The following TNRC6C variants were observed in gnomAD, a reference collection of about 807,000 sequenced individuals.
TNRC6C encodes the protein trinucleotide repeat-containing gene 6C protein.
In TNRC6C, 20 loss-of-function variants were observed where a neutral mutation model predicts 153.7. That is an observed-to-expected ratio of 0.13 (90% CI 0.09 to 0.19). TNRC6C has a LOEUF of 0.19. Ranked by LOEUF, TNRC6C falls within the 10% of genes least tolerant of loss-of-function variation. The probability of loss-of-function intolerance (pLI) is 1.00; values close to 1 mark genes in which losing one functional copy is unlikely to be tolerated. For missense variants in TNRC6C, 1,987 were observed against 2,172.0 expected (o/e 0.91, Z 1.69); for synonymous variants, 811 against 841.4 (o/e 0.96, Z 0.63).
intron 1 of TNRC6C, among the ~76,000 whole-genome samples, chr17:77,981,764 T>C (rs2071081122): frequency 6.6e-6 from 1 of 152,234 alleles, no homozygotes; most frequent in African/African-American, 2.4e-5. Context: ...GGAACACCGC[T>C]ATGCCCGTTA....
Position 78,064,949 on chromosome 17 carries a change from A to G in TNRC6C, c.2611+12A>G. 6.3e-7 allele frequency: 1 copy of G among 1,598,080 alleles called. No individual in the cohort carries two copies. The highest frequency in any genetic ancestry group is 8.5e-7 in the Non-Finnish European group (1 of 1,172,616). ...CCTGTGCAAACCAGGTAAGCCTAGC[A>G]TCCTGCTTGCCCTGATCTGGCAATT... is the stretch of plus-strand genomic sequence containing the variant. On this transcript the variant is annotated intron_variant, in intron 4 of 19. Transcript: ENST00000301624.
At chr17:77,999,984 T>C (rs1177826257), upstream of TNRC6C, among the ~76,000 whole-genome samples, 2 of 152,196 alleles carry the variant, frequency 1.3e-5, no homozygotes, top group African/African-American at 2.4e-5. Flanking sequence ...GAAGGGATTA[T>C]ACAAAAGTGT....
chr17:78,012,883 T>C (rs2071661365), intron 1 of TNRC6C, among the ~76,000 whole-genome samples: 2 of 152,186 alleles, frequency 1.3e-5, no homozygotes, highest in African/African-American at 4.8e-5. Context: ...TTTCATCAAA[T>C]ATTTGCATCT....
rs138821835 is a variant in TNRC6C at position 77,981,564 on chromosome 17, T to C, written c.-38+22296T>C. 5.6e-3 allele frequency among the ~76,000 whole-genome samples: 858 copies of C among 152,332 alleles called. 6 individuals are homozygous for C. Among genetic ancestry groups the C allele is most frequent in the African/African-American group, 0.019 (808 of 41,562 alleles). Reference sequence around the variant, plus strand: ...TTTCACAATATTACAAAGATAAATATAGTTTAAATGTCCTCAGGTCTTTGT... The same window carrying C: ...TTTCACAATATTACAAAGATAAATACAGTTTAAATGTCCTCAGGTCTTTGT... On this transcript the variant is annotated intron_variant, in intron 1 of 22. Transcript: ENST00000636222.
intron 3 of TNRC6C, among the ~76,000 whole-genome samples, chr17:78,057,164 C>T (rs1375723872): frequency 6.6e-6 from 1 of 152,180 alleles, no homozygotes; most frequent in Non-Finnish European, 1.5e-5. Context: ...TATTGTACAA[C>T]ATATGGGGTT....
chr17:77,959,786 G>C (rs1384362873), intron 1 of TNRC6C, among the ~76,000 whole-genome samples: 1 of 152,118 alleles, frequency 6.6e-6, no homozygotes. Context: ...GGAGTAATGC[G>C]TATGAGGAAA....
chr17:78,104,878 C>T lies in TNRC6C; in HGVS notation c.*33C>T. The T allele has an allele frequency of 7.2e-7, 1 of 1,389,304 alleles. No homozygotes were observed. Among genetic ancestry groups the T allele is most frequent in the Non-Finnish European group, 9.3e-7 (1 of 1,075,626 alleles). The allele number at this position is 1,389,304 out of a possible 1,614,324, so 86.1% of individuals were successfully genotyped here. On this transcript the variant is annotated 3_prime_UTR_variant, in exon 20 of 20. Coordinates refer to ENST00000301624, the Ensembl canonical transcript of TNRC6C. This position sits in a 1 kb window ranked among gnomAD's most constrained non-coding sequence, Gnocchi z 6.2. ...CATCATCAGCACCAGGAGAGCCGACCCCTCCCGGGACCCCTCCCGGCTGGG... is the reference window on the plus strand; with the variant it reads ...CATCATCAGCACCAGGAGAGCCGACTCCTCCCGGGACCCCTCCCGGCTGGG...
At chr17:78,032,984 C>CT (rs1296569809) in intron 2 of TNRC6C, among the ~76,000 whole-genome samples, 3 of 152,236 alleles carry the variant, frequency 2.0e-5, no homozygotes, top group African/African-American at 7.2e-5. Context: ...ATAGTCTCAT[C>CT]TATTTAGTTG....
At chr17:78,053,587 C>A (rs1430485632) in intron 3 of TNRC6C, among the ~76,000 whole-genome samples, 3 of 151,460 alleles carry the variant, frequency 2.0e-5, no homozygotes, top group African/African-American at 7.3e-5. Context: ...TGAGATGGGG[C>A]CATTGCACTC....
chr17:78,031,736 G>C, exon 2 of TNRC6C: 2 of 1,232,294 alleles, frequency 1.6e-6, no homozygotes, highest in South Asian at 8.2e-5. Flanking sequence ...TGCCTACGGG[G>C]ACTCTAACCA....
chr17:77,998,294 G>A (rs902887585), intron 1 of TNRC6C, among the ~76,000 whole-genome samples: 4 of 152,106 alleles, frequency 2.6e-5, no homozygotes, highest in East Asian at 1.9e-4. Flanking sequence ...TTTAGTATAC[G>A]TTATATCCAA....
At chr17:78,042,243 CTTTT>C (rs1377278513) in intron 2 of TNRC6C, among the ~76,000 whole-genome samples, 1 of 152,048 alleles carries the variant, frequency 6.6e-6, no homozygotes, top group Admixed American at 6.5e-5. Context: ...AGCTTCATTT[CTTTT>C]TTCTTTTTAA....
chr17:78,000,745 T>A (rs182828119), upstream of TNRC6C, among the ~76,000 whole-genome samples: 7 of 150,920 alleles, frequency 4.6e-5, no homozygotes, highest in East Asian at 9.8e-4. Flanking sequence ...ACGAGAAACA[T>A]TTACAATTTC....
rs1436263030 is a variant in TNRC6C at position 77,985,559 on chromosome 17, G to A, written c.-37-18611G>A. Among the ~76,000 whole-genome samples the A allele has an allele frequency of 5.4e-5, 8 of 148,416 alleles. No homozygotes were observed. The South Asian group carries it at 1.3e-3, about 23-fold the overall frequency. On this transcript the variant is annotated intron_variant, in intron 1 of 22. Coordinates refer to the TNRC6C transcript ENST00000636222. ...AGAGGTTGCAGTGAGCCGAGATCGC[G>A]CCACTGCACTCCAGCCTGGGCAACA...
At chr17:78,092,319 T>C (rs2073408363) in intron 14 of TNRC6C, among the ~76,000 whole-genome samples, 1 of 152,240 alleles carries the variant, frequency 6.6e-6, no homozygotes, top group Non-Finnish European at 1.5e-5. Context: ...AGGAGGGCTC[T>C]GCTGCCTGTA....
At chr17:78,059,722 G>T (rs745368631) in intron 3 of TNRC6C, among the ~76,000 whole-genome samples, 6 of 151,566 alleles carry the variant, frequency 4.0e-5, no homozygotes. Flanking sequence ...AGTGGCACAC[G>T]CCTCTAGTCC....
intron 4 of TNRC6C, 69 bp downstream of exon 6, chr17:78,065,006 A>T: frequency 6.7e-7 from 1 of 1,488,912 alleles, no homozygotes; most frequent in Non-Finnish European, 9.1e-7. Context: ...AATTTTAAAG[A>T]TTAGAGTTTT....
intron 1 of TNRC6C, among the ~76,000 whole-genome samples, chr17:77,983,101 A>G (rs973824987): frequency 1.3e-5 from 2 of 152,218 alleles, no homozygotes; most frequent in African/African-American, 4.8e-5. Context: ...AATATGGCGT[A>G]AATTCACAGA....
chr17:77,986,426 A>AAAAG (rs111490213), intron 1 of TNRC6C, among the ~76,000 whole-genome samples: 6,496 of 140,924 alleles, frequency 0.046, 211 homozygotes, highest in South Asian at 0.087. Flanking sequence ...AAAAAAAAAA[A>AAAAG]AAGAAGAAGA....
Sources: gnomAD v4.1 joint callset for allele counts (sites outside exome capture counted in the v4.1 genomes callset) on GRCh38, gnomAD v4.1.1 for gene constraint, Gnocchi (gnomAD v3.1) non-coding constraint, MANE v1.5 for transcripts, NCBI Gene and HGNC (gene_info 2026-07-23, HGNC 2026-07-21) for gene names.